POLA1: variants seen among roughly 807,000 people sequenced by gnomAD.
POLA1 encodes DNA polymerase alpha 1, catalytic subunit.
A neutral mutation model predicts 124.0 loss-of-function variants in POLA1; 15 were observed. That is an observed-to-expected ratio of 0.12 (90% CI 0.08 to 0.19). The LOEUF (loss-of-function observed/expected upper bound fraction) is 0.19, where lower values mean the gene tolerates loss of function less well. Among genes scored for constraint, POLA1 ranks in the 10% least tolerant of loss-of-function variants. POLA1 has a pLI of 1.00. For synonymous variants in POLA1, 408 were observed against 389.4 expected, an observed-to-expected ratio of 1.05 and a Z score of -0.56; for missense variants, 886 against 1,103.4, an observed-to-expected ratio of 0.80 and a Z score of 2.79.
intron 36 of POLA1, among the ~76,000 whole-genome samples, chrX:24,973,906 G>A (rs1012796403): frequency 4.4e-4 from 49 of 111,132 alleles, no homozygotes; most frequent in African/African-American, 1.6e-3. Flanking sequence ...GAAATGTCGT[G>A]AATTTAGTAT....
chrX:24,741,468 A>G lies in POLA1; in HGVS notation c.2310A>G (p.Leu770=), dbSNP rs1931653111. The G allele has an allele frequency of 3.3e-6, 4 of 1,202,753 alleles. No homozygotes were observed. The South Asian group carries it at 5.3e-5, about 16-fold the overall frequency. The change falls in exon 21 of 37, where the codon TTA becomes TTG. Residue 770 remains leucine (L), a synonymous_variant. Coordinates refer to ENST00000379068, the MANE Select transcript of POLA1 (RefSeq NM_001330360.2). ...TGTGTGAGCTAAATGTTCTTCCATT[A>G]GCATTGCAGATCACTAACATCGCTG... ...QIMCELNVLP[L]ALQITNIAGN...
At chrX:24,773,952 C>G (rs770579185) in intron 26 of POLA1, among the ~76,000 whole-genome samples, 1 of 111,943 alleles carries the variant, frequency 8.9e-6, no homozygotes, top group African/African-American at 3.2e-5. Flanking sequence ...CCAATTAGCT[C>G]TACTCAATAG....
intron 26 of POLA1, among the ~76,000 whole-genome samples, chrX:24,776,968 T>C (rs1314025879): frequency 8.9e-6 from 1 of 112,322 alleles, no homozygotes; most frequent in Non-Finnish European, 1.9e-5. Flanking sequence ...TCCTTGAGAA[T>C]TGATACTTCA....
intron 35 of POLA1, among the ~76,000 whole-genome samples, chrX:24,921,892 T>TTGTGTGTGTGTGTGTGTG (rs755172411): frequency 0.044 from 4,621 of 105,624 alleles, 325 homozygotes; most frequent in African/African-American, 0.16. Context: ...GTTTTGCCTT[T>TTGTGTGTGTGTGTGTGTG]TGTGTGTGTG....
intron 4 of POLA1, among the ~76,000 whole-genome samples, chrX:24,713,799 A>G (rs1929638504): frequency 8.9e-6 from 1 of 112,549 alleles, no homozygotes; most frequent in African/African-American, 3.2e-5. Context: ...GCTGTTTCTC[A>G]TAAAATGGAA....
At chrX:24,994,560 A>ATGTC (rs1868373548) in intron 36 of POLA1, among the ~76,000 whole-genome samples, 1 of 111,914 alleles carries the variant, frequency 8.9e-6, no homozygotes, top group African/African-American at 3.3e-5. Context: ...GGATCAGCTG[A>ATGTC]TGTCTGAGGC....
At chrX:24,781,620 G>A (rs1011271724) in intron 26 of POLA1, among the ~76,000 whole-genome samples, 4 of 111,711 alleles carry the variant, frequency 3.6e-5, no homozygotes, top group African/African-American at 1.3e-4. Context: ...GGGAGAAATT[G>A]TTGTCACTTT....
chrX:24,957,323 G>A (rs1157030636), intron 36 of POLA1, among the ~76,000 whole-genome samples: 1 of 111,915 alleles, frequency 8.9e-6, no homozygotes, highest in East Asian at 2.8e-4. Flanking sequence ...GTATTGCTTT[G>A]TTAACCAAAA....
chrX:24,954,662 G>A, intron 36 of POLA1, among the ~76,000 whole-genome samples: 1 of 112,214 alleles, frequency 8.9e-6, no homozygotes, highest in African/African-American at 3.2e-5. Flanking sequence ...TGTACTAGTA[G>A]TAAATATGGT....
At chrX:24,852,221 A>G (rs1357157005) in intron 34 of POLA1, among the ~76,000 whole-genome samples, 1 of 111,492 alleles carries the variant, frequency 9.0e-6, no homozygotes, top group African/African-American at 3.3e-5. Context: ...AAATACTACT[A>G]TTGATGAGAA....
intron 36 of POLA1, among the ~76,000 whole-genome samples, chrX:24,945,865 G>C (rs747933759): frequency 9.0e-6 from 1 of 111,203 alleles, no homozygotes. Context: ...TTATTTCCTA[G>C]ATAAAGGAAG....
At chrX:24,920,094 G>T (rs752288479) in intron 35 of POLA1, among the ~76,000 whole-genome samples, 1 of 109,152 alleles carries the variant, frequency 9.2e-6, no homozygotes, top group African/African-American at 3.3e-5. Context: ...TGATCCTCCC[G>T]CCTTGGCCTC....
At chrX:24,908,292 G>A (rs763775292) in intron 35 of POLA1, among the ~76,000 whole-genome samples, 87 of 109,305 alleles carry the variant, frequency 8.0e-4, no homozygotes, top group Middle Eastern at 4.7e-3. Context: ...CAACGTGCAG[G>A]TTTGTTACAT....
At position 24,843,924 on chromosome X, in the gene POLA1, C is replaced by CT. The variant is rs770008441; in HGVS notation, c.4047+251dup. 9.0e-5 allele frequency among the ~76,000 whole-genome samples: 10 copies of CT among 111,595 alleles called. No individual in the cohort carries two copies. The South Asian group carries it at 3.7e-3, about 41-fold the overall frequency. On this transcript the variant is annotated intron_variant, in intron 34 of 36. Coordinates refer to ENST00000379068, the MANE Select transcript of POLA1 (RefSeq NM_001330360.2). ...ATTTTAAATAATGAAATTTTTACTT[C>CT]TTTTAGAAAAAGCCAGAATATAATT...
intron 26 of POLA1, among the ~76,000 whole-genome samples, chrX:24,762,467 C>T (rs1414963063): frequency 8.9e-6 from 1 of 112,156 alleles, no homozygotes; most frequent in Non-Finnish European, 1.9e-5. Context: ...TTTTCCTGAT[C>T]CTTTGGTACT....
intron 22 of POLA1, 87 bp downstream of exon 22, chrX:24,742,208 C>A: frequency 1.2e-6 from 1 of 819,240 alleles, no homozygotes; most frequent in Non-Finnish European, 1.7e-6. Flanking sequence ...TCTGTGATAA[C>A]ATCTGCTTTC....
At chrX:24,950,000 G>T (rs2048015308) in intron 36 of POLA1, among the ~76,000 whole-genome samples, 1 of 111,526 alleles carries the variant, frequency 9.0e-6, no homozygotes, top group Non-Finnish European at 1.9e-5. Flanking sequence ...CCAAAGTGCT[G>T]GGATTACAGG....
intron 35 of POLA1, among the ~76,000 whole-genome samples, chrX:24,907,776 T>C (rs2047389104): frequency 8.9e-6 from 1 of 112,140 alleles, no homozygotes; most frequent in Non-Finnish European, 1.9e-5. Context: ...TGGAACATCA[T>C]GGATGATGGA....
chrX:24,697,591 T>C (rs1928106607), intron 1 of POLA1, among the ~76,000 whole-genome samples: 1 of 112,307 alleles, frequency 8.9e-6, no homozygotes, highest in Non-Finnish European at 1.9e-5. Context: ...AAATAAGATC[T>C]CTAATTATGC....
Sources: allele counts gnomAD v4.1 joint callset (sites outside exome capture counted in the v4.1 genomes callset), GRCh38; gene constraint gnomAD v4.1.1; transcripts MANE v1.5; gene names NCBI Gene and HGNC (gene_info 2026-07-23, HGNC 2026-07-21).